Variants in XIRP2 observed in about 807,000 individuals in gnomAD.
XIRP2 encodes the protein xin actin-binding repeat-containing protein 2.
Under a neutral mutation model 277.0 loss-of-function variants are expected in XIRP2, and 236 were observed. That is an observed-to-expected ratio of 0.85 (90% CI 0.77 to 0.95). XIRP2 has a LOEUF of 0.95. Among genes scored for constraint, XIRP2 ranks in the 40% least tolerant of loss-of-function variants. XIRP2 has a pLI of 0.00. For missense variants in XIRP2, 4,640 were observed against 4,157.5 expected (o/e 1.12, Z -3.19); for synonymous variants, 1,490 against 1,416.5 (o/e 1.05, Z -1.17).
In XIRP2 at chr2:166,903,845, T is replaced by C. The variant is rs1684449091; in HGVS notation, c.363T>C (p.Phe121=). Residue 121 remains phenylalanine (F), a synonymous_variant, in exon 2 of 11, where the codon TTT becomes TTC. Coordinates refer to ENST00000409195, the MANE Select transcript of XIRP2 (RefSeq NM_152381.6). ...SIALDELRSV[F]EAPKSGNKPA... The stretch of plus-strand genomic sequence containing the variant: ...CCCTTGATGAGCTGAGGAGTGTGTT[T>C]GAGGCTCCTAAGAGTGGAAACAAAC... The C allele has an allele frequency of 6.2e-7, 1 of 1,613,630 alleles. No homozygotes were observed. Among genetic ancestry groups the C allele is most frequent in the African/African-American group, 1.3e-5 (1 of 75,002 alleles).
At chr2:167,096,596 G>T (rs560785718) in intron 2 of XIRP2, among the ~76,000 whole-genome samples, 3 of 152,094 alleles carry the variant, frequency 2.0e-5, no homozygotes, top group Non-Finnish European at 4.4e-5. Context: ...GCTAGCTTTT[G>T]AATTTGGTTG....
chr2:167,079,360 G>A (rs1277164991), intron 2 of XIRP2, among the ~76,000 whole-genome samples: 2 of 152,142 alleles, frequency 1.3e-5, no homozygotes, highest in South Asian at 2.1e-4. Flanking sequence ...AATGAGTTAG[G>A]GAGGAATCCC....
At chr2:167,078,199 T>A (rs114871787) in intron 2 of XIRP2, among the ~76,000 whole-genome samples, 2,154 of 152,294 alleles carry the variant, frequency 0.014, 58 homozygotes, top group African/African-American at 0.05. Flanking sequence ...ACCTCCTCAG[T>A]TAGATGTATT....
At chr2:166,905,141 CTT>C (rs1379381083) in intron 2 of XIRP2, among the ~76,000 whole-genome samples, 3 of 151,882 alleles carry the variant, frequency 2.0e-5, no homozygotes, top group African/African-American at 7.2e-5. Context: ...TTTGTTTATA[CTT>C]TTATATCTTT....
intron 2 of XIRP2, among the ~76,000 whole-genome samples, chr2:167,027,939 A>G (rs1688220171): frequency 6.6e-6 from 1 of 152,082 alleles, no homozygotes; most frequent in Non-Finnish European, 1.5e-5. Context: ...GAAAATAGTC[A>G]TGTCAATAAA....
In XIRP2 at chr2:167,119,269, G is replaced by A. The variant is rs377508556; in HGVS notation, c.409-16640G>A. On this transcript the variant is annotated intron_variant, in intron 2 of 10. Coordinates refer to ENST00000409195, the MANE Select transcript of XIRP2 (RefSeq NM_152381.6). ...CACATTAGATAAACATTGGCATCTT[G>A]GAAGGTGTTTTGAGGAGACTCCAGA... Among the ~76,000 whole-genome samples, 6 of 152,236 alleles carry A rather than the reference G, an allele frequency of 3.9e-5. No homozygotes were observed. The East Asian group carries it at 9.6e-4, about 24-fold the overall frequency.
chr2:166,997,728 A>C (rs2105450830), intron 2 of XIRP2, among the ~76,000 whole-genome samples: 1 of 152,122 alleles, frequency 6.6e-6, no homozygotes, highest in South Asian at 2.1e-4. Flanking sequence ...AACATGGTGA[A>C]ACCCCATCTC....
chr2:167,151,010 G>T (rs976900365), intron 3 of XIRP2, among the ~76,000 whole-genome samples: 1 of 152,042 alleles, frequency 6.6e-6, no homozygotes, highest in African/African-American at 2.4e-5. Flanking sequence ...CTTACGGAAA[G>T]GTTCACATAA....
At chr2:167,066,329 A>G (rs1247210263) in intron 2 of XIRP2, among the ~76,000 whole-genome samples, 1 of 151,972 alleles carries the variant, frequency 6.6e-6, no homozygotes, top group Non-Finnish European at 1.5e-5. Flanking sequence ...GGGATCACAG[A>G]CATTTCTCTA....
At chr2:167,014,290 A>G (rs1687763726) in intron 2 of XIRP2, among the ~76,000 whole-genome samples, 1 of 151,738 alleles carries the variant, frequency 6.6e-6, no homozygotes, top group South Asian at 2.1e-4. Flanking sequence ...GAATAAACAA[A>G]CAGAAAGCCT....
chr2:167,138,831 C>T (rs1691630943), intron 3 of XIRP2, among the ~76,000 whole-genome samples: 3 of 152,066 alleles, frequency 2.0e-5, no homozygotes, highest in Admixed American at 1.3e-4. Context: ...TTTGGGAGGC[C>T]AAGGCGGGCG....
In XIRP2 at chr2:167,245,518, CAAG is replaced by C. The variant is rs540406060; in HGVS notation, c.4131_4133del (p.Glu1377del). 2.3e-3 allele frequency: 3,738 copies of C among 1,613,456 alleles called. 12 individuals are homozygous for C. Among genetic ancestry groups the C allele is most frequent in the Non-Finnish European group, 2.9e-3 (3,414 of 1,179,678 alleles). On this transcript the variant is annotated inframe_deletion, in exon 9 of 11. Transcript: ENST00000409195. Reference sequence around the variant, plus strand: ...TGTGTATGTTATTAAATCTGTCACACAAGAAGACATTCAGAAGGGAGATGTTAG... The same window carrying C: ...TGTGTATGTTATTAAATCTGTCACACAAGACATTCAGAAGGGAGATGTTAG...
At chr2:167,172,419 G>A (rs1365237064) in intron 3 of XIRP2, among the ~76,000 whole-genome samples, 2 of 152,176 alleles carry the variant, frequency 1.3e-5, no homozygotes, top group Non-Finnish European at 2.9e-5. Flanking sequence ...GGGTTTGAGA[G>A]CAGACAAGCA....
chr2:166,987,644 C>A (rs373756620), intron 2 of XIRP2, among the ~76,000 whole-genome samples: 2 of 152,114 alleles, frequency 1.3e-5, no homozygotes, highest in African/African-American at 2.4e-5. Flanking sequence ...GCATCCAGAT[C>A]TTGTTCTCTA....
intron 2 of XIRP2, among the ~76,000 whole-genome samples, chr2:167,007,300 C>A (rs1025551142): frequency 2.0e-5 from 3 of 151,414 alleles, no homozygotes; most frequent in African/African-American, 7.3e-5. Flanking sequence ...TGGAAAAGAA[C>A]AAAATATTTT....
chr2:167,213,153 G>A (rs1694105039), intron 4 of XIRP2, among the ~76,000 whole-genome samples: 1 of 152,240 alleles, frequency 6.6e-6, no homozygotes, highest in East Asian at 1.9e-4. Flanking sequence ...TGAAACAGTG[G>A]TGGTCTATAG....
chr2:167,212,223 T>TGG (rs1694067618), intron 4 of XIRP2, among the ~76,000 whole-genome samples: 1 of 152,188 alleles, frequency 6.6e-6, no homozygotes, highest in African/African-American at 2.4e-5. Context: ...CTATAGTACC[T>TGG]CCTGCCAGTC....
chr2:166,978,344 A>T (rs1686770607), intron 2 of XIRP2, among the ~76,000 whole-genome samples: 1 of 152,142 alleles, frequency 6.6e-6, no homozygotes, highest in African/African-American at 2.4e-5. Context: ...TTTCTTCAAG[A>T]TTGGTTTGAA....
intron 1 of XIRP2, among the ~76,000 whole-genome samples, chr2:166,901,357 T>C (rs1684384380): frequency 1.3e-5 from 2 of 152,078 alleles, no homozygotes; most frequent in African/African-American, 4.8e-5. Flanking sequence ...CTCATGTTTA[T>C]TTCATGTGTC....
Sources: gnomAD v4.1 joint callset for allele counts (sites outside exome capture counted in the v4.1 genomes callset) on GRCh38, gnomAD v4.1.1 for gene constraint, MANE v1.5 for transcripts, NCBI Gene and HGNC (gene_info 2026-07-23, HGNC 2026-07-21) for gene names.